Variants in SRRM3 observed in about 807,000 individuals in gnomAD.
SRRM3 encodes the protein serine/arginine repetitive matrix 3, also known as serine/arginine repetitive matrix protein 3.
In SRRM3, 27 loss-of-function variants were observed where a neutral mutation model predicts 66.2. The observed-to-expected ratio is 0.41, with a 90% CI of 0.30 to 0.56. The LOEUF (loss-of-function observed/expected upper bound fraction) is 0.56, where lower values mean the gene tolerates loss of function less well. Among genes scored for constraint, SRRM3 ranks in the 20% least tolerant of loss-of-function variants. The probability of loss-of-function intolerance (pLI) is 0.32; values close to 1 mark genes in which losing one functional copy is unlikely to be tolerated. For synonymous variants in SRRM3, 391 were observed against 414.9 expected, an observed-to-expected ratio of 0.94 and a Z score of 0.70; for missense variants, 918 against 991.9, an observed-to-expected ratio of 0.93 and a Z score of 1.00.
chr7:76,212,709 T>A (rs2116941676), intron 1 of SRRM3, among the ~76,000 whole-genome samples: 1 of 152,210 alleles, frequency 6.6e-6, no homozygotes, highest in East Asian at 1.9e-4. Context: ...CCTCAAGTGA[T>A]CCTCCCACCT....
chr7:76,282,713 G>C lies in SRRM3; in HGVS notation c.1436G>C (p.Arg479Pro). 4 of 1,424,174 alleles carry C rather than the reference G, an allele frequency of 2.8e-6. No individual in the cohort carries two copies. Among genetic ancestry groups the C allele is most frequent in the Non-Finnish European group, 3.7e-6 (4 of 1,095,610 alleles). The allele number at this position is 1,424,174 out of a possible 1,614,324, so 88.2% of individuals were successfully genotyped here. ...STSPSPGAHGRRGGPEGKSSS... is the reference protein window; with the variant it reads ...STSPSPGAHGPRGGPEGKSSS... Reference sequence around the variant, plus strand: ...TCTCCGTCCCCGGGCGCGCACGGCCGGCGCGGCGGCCCAGAAGGGAAGAGC... The same window carrying C: ...TCTCCGTCCCCGGGCGCGCACGGCCCGCGCGGCGGCCCAGAAGGGAAGAGC... Residue 479 changes from arginine (R) to proline (P), a missense_variant, in exon 13 of 15, where the codon CGG becomes CCG. Physicochemically the swap from Arg to Pro is moderately radical, Grantham distance 103. Transcript: ENST00000611745.
At position 76,281,446 on chromosome 7, in the gene SRRM3, C is replaced by A; in HGVS notation, c.1014C>A (p.Pro338=). ...PGSAHSPPDK[P]SSPSPRVRDK... ...TCTGCCTCTCTCCCCGTCAGAAGCC[C>A]AGCTCGCCCTCGCCCAGGGTCCGTG... The change falls in exon 12 of 15, where the codon CCC becomes CCA. Residue 338 remains proline, a synonymous_variant. Transcript: ENST00000611745. The A allele has an allele frequency of 8.1e-7, 1 of 1,237,068 alleles. No homozygotes were observed. The highest frequency in any genetic ancestry group is 1.0e-6 in the Non-Finnish European group (1 of 984,710). The allele number at this position is 1,237,068 out of a possible 1,614,324, so 76.6% of individuals were successfully genotyped here. A position where few individuals can be genotyped will look rare whatever the true frequency, so the allele number is the denominator to read the frequency against.
At chr7:76,213,592 T>C (rs1800489104) in intron 1 of SRRM3, among the ~76,000 whole-genome samples, 1 of 152,074 alleles carries the variant, frequency 6.6e-6, no homozygotes, top group Non-Finnish European at 1.5e-5. Flanking sequence ...AGTGCAAGCA[T>C]GGGGCCTGGC....
chr7:76,273,119 T>G (rs1386693409), intron 11 of SRRM3: 1 of 152,486 alleles, frequency 6.6e-6, no homozygotes, highest in Non-Finnish European at 1.5e-5. Flanking sequence ...CTGTCATTGT[T>G]TCTGTCTTTC....
chr7:76,283,111 G>A lies in SRRM3; in HGVS notation c.1733+10G>A, dbSNP rs1471718865. On this transcript the variant is annotated intron_variant, in intron 14 of 14. Coordinates refer to ENST00000611745, the MANE Select transcript of SRRM3 (RefSeq NM_001110199.3). Reference sequence around the variant, plus strand: ...CGCGGCGCATCACCAGGTATGGAGGGTCTTGGGGGGGCCGGTGGCGCAGGG... The same window carrying A: ...CGCGGCGCATCACCAGGTATGGAGGATCTTGGGGGGGCCGGTGGCGCAGGG... 2 of 1,424,980 alleles carry A rather than the reference G, an allele frequency of 1.4e-6. No homozygotes were observed. Among genetic ancestry groups the A allele is most frequent in the South Asian group, 1.6e-5 (1 of 64,338 alleles). The allele number at this position is 1,424,980 out of a possible 1,614,324, so 88.3% of individuals were successfully genotyped here.
intron 11 of SRRM3, among the ~76,000 whole-genome samples, chr7:76,274,759 C>T (rs1310073092): frequency 1.3e-5 from 2 of 152,168 alleles, no homozygotes; most frequent in African/African-American, 2.4e-5. Flanking sequence ...ACCCCACCTC[C>T]GCACCCCTGC....
chr7:76,282,754 G>A lies in SRRM3; in HGVS notation c.1477G>A (p.Gly493Ser). Reference sequence around the variant, plus strand: ...AGGGAAGAGCTCGTCGCGCAGCCCCGGCCCGCACCCCCGCTCCTGGAGCTC... The same window carrying A: ...AGGGAAGAGCTCGTCGCGCAGCCCCAGCCCGCACCCCCGCTCCTGGAGCTC... Reference protein sequence around the residue: ...PEGKSSSRSPGPHPRSWSSSR... With the variant: ...PEGKSSSRSPSPHPRSWSSSR... The change falls in exon 13 of 15, where the codon GGC (glycine) becomes AGC (serine). Residue 493 changes from glycine (G) to serine (S), a missense_variant. Coordinates refer to ENST00000611745, the MANE Select transcript of SRRM3 (RefSeq NM_001110199.3). 6.8e-7 allele frequency: 1 copy of A among 1,464,492 alleles called. No individual in the cohort carries two copies. The highest frequency in any genetic ancestry group is 9.0e-7 in the Non-Finnish European group (1 of 1,114,248). The allele number at this position is 1,464,492 out of a possible 1,614,324, so 90.7% of individuals were successfully genotyped here. A position where few individuals can be genotyped will look rare whatever the true frequency, so the allele number is the denominator to read the frequency against.
At chr7:76,265,568 C>A (rs1294850412) in intron 10 of SRRM3, 100 bp downstream of exon 10, 6 of 913,414 alleles carry the variant, frequency 6.6e-6, no homozygotes, top group Non-Finnish European at 9.6e-6. Context: ...GACAGAATGT[C>A]AATTCATCGG....
In SRRM3 at chr7:76,216,748, G is replaced by A. The variant is rs1800579761; in HGVS notation, c.-40+14681G>A. 2.0e-5 allele frequency among the ~76,000 whole-genome samples: 3 copies of A among 152,288 alleles called. 1 individual carries two copies. In the South Asian group the frequency reaches 6.2e-4, roughly 32 times the overall value. On this transcript the variant is annotated intron_variant, in intron 1 of 14. Coordinates refer to ENST00000611745, the MANE Select transcript of SRRM3 (RefSeq NM_001110199.3). Reference sequence around the variant, plus strand: ...GGGGATGACATGGAGAGTGAATGTGGGGTCTCTCCCTCTCTCCCCTTTTAC... The same window carrying A: ...GGGGATGACATGGAGAGTGAATGTGAGGTCTCTCCCTCTCTCCCCTTTTAC...
chr7:76,215,793 A>ATTT (rs35624440), intron 1 of SRRM3, among the ~76,000 whole-genome samples: 30 of 96,828 alleles, frequency 3.1e-4, no homozygotes, highest in East Asian at 5.8e-4. Context: ...CACCTGGCTA[A>ATTT]TTTTTTTTTT....
chr7:76,208,396 T>C (rs1327035084), intron 1 of SRRM3, among the ~76,000 whole-genome samples: 1 of 151,608 alleles, frequency 6.6e-6, no homozygotes, highest in African/African-American at 2.4e-5. Context: ...GAGCCAGGTA[T>C]GGTGGCTCAT....
intron 1 of SRRM3, among the ~76,000 whole-genome samples, chr7:76,234,495 T>G (rs888223806): frequency 2.0e-5 from 3 of 151,784 alleles, no homozygotes; most frequent in African/African-American, 7.3e-5. Context: ...GCCTCTGGGG[T>G]GGGAATAGAG....
chr7:76,211,371 C>T (rs1172405659), intron 1 of SRRM3, among the ~76,000 whole-genome samples: 2 of 87,406 alleles, frequency 2.3e-5, no homozygotes, highest in African/African-American at 9.1e-5. Context: ...AGGGTCCGGG[C>T]GGAGGAGCGA....
chr7:76,253,277 G>A (rs375672496), intron 3 of SRRM3, among the ~76,000 whole-genome samples: 3 of 151,184 alleles, frequency 2.0e-5, no homozygotes, highest in African/African-American at 7.3e-5. Flanking sequence ...ACCTGAGTTT[G>A]GGAGTTTGAG....
At chr7:76,235,636 C>T (rs1554604780) in intron 2 of SRRM3, among the ~76,000 whole-genome samples, 1 of 151,850 alleles carries the variant, frequency 6.6e-6, no homozygotes, top group African/African-American at 2.4e-5. Context: ...AAGGCCGAGG[C>T]GAGCGGATTA....
rs781809992 is a variant in SRRM3, at chr7:76,265,431, C to T, written c.793C>T (p.Leu265Phe). The change falls in exon 10 of 15, where the codon CTC becomes TTC. Residue 265 changes from leucine (L) to phenylalanine (F), a missense_variant. By Grantham distance (22) the Leu-to-Phe change is conservative. Transcript: ENST00000611745. ...CAGTGGCAGCTCCCACAGCCCCTCCCTCTCCTCCCACTACAGTGATTCCAG... is the reference window on the plus strand; with the variant it reads ...CAGTGGCAGCTCCCACAGCCCCTCCTTCTCCTCCCACTACAGTGATTCCAG... ...HSSGSSHSPS[L>F]SSHYSDSRSP... is the part of the protein sequence containing the mutation. 5 of 1,606,524 alleles carry T rather than the reference C, an allele frequency of 3.1e-6. No individual in the cohort carries two copies. The South Asian group carries it at 4.5e-5, about 14-fold the overall frequency.
chr7:76,265,538 G>A, intron 10 of SRRM3, 70 bp downstream of exon 10: 1 of 1,274,382 alleles, frequency 7.8e-7, no homozygotes, highest in Non-Finnish European at 1.1e-6. Flanking sequence ...ACCCCCAAGG[G>A]CTGGGGAGCA....
chr7:76,267,106 C>T (rs985906007), intron 10 of SRRM3, among the ~76,000 whole-genome samples, 152 bp from the exon 11 acceptor site: 1 of 152,176 alleles, frequency 6.6e-6, no homozygotes, highest in South Asian at 2.1e-4. Context: ...GTCAAGCCCT[C>T]TCTAAGTGGA....
chr7:76,226,934 T>C (rs1449514349), intron 1 of SRRM3, among the ~76,000 whole-genome samples: 2 of 152,040 alleles, frequency 1.3e-5, no homozygotes, highest in African/African-American at 4.8e-5. Context: ...ACTTCCAGAG[T>C]AGGAAAGGAC....
Sources: allele counts gnomAD v4.1 joint callset (sites outside exome capture counted in the v4.1 genomes callset), GRCh38; gene constraint gnomAD v4.1.1; transcripts MANE v1.5; gene names NCBI Gene and HGNC (gene_info 2026-07-23, HGNC 2026-07-21).